RECQL4: variants seen among roughly 807,000 people sequenced by gnomAD.
RECQL4 encodes the protein RecQ like helicase 4.
In RECQL4, 158 loss-of-function variants were observed where a neutral mutation model predicts 128.6. The ratio of observed to expected loss-of-function variants is 1.23; its 90% CI spans 1.08 to 1.40. RECQL4 has a LOEUF of 1.40. RECQL4 is among the 40% of genes most tolerant of loss of function. The pLI, the probability that RECQL4 is intolerant of heterozygous loss-of-function variation, is 0.00. For missense variants in RECQL4, 2,293 were observed against 1,649.8 expected (o/e 1.39, Z -6.75); for synonymous variants, 996 against 678.9 (o/e 1.47, Z -7.26).
chr8:144,514,094 C>A lies in RECQL4; in HGVS notation c.1892G>T (p.Arg631Leu), dbSNP rs771179943. Residue 631 changes from arginine to leucine, a missense_variant, in exon 12 of 21, where the codon CGC becomes CTC. Arg to Leu is a moderately radical substitution (Grantham distance 102). Transcript: ENST00000617875. The stretch of plus-strand genomic sequence containing the variant: ...GCCCAGGAAGCAGTGCACGCCCATG[C>A]GCTCCCGAAGCACCTGCACCAGAGG... ...YLRVCKVLRE[R>L]MGVHCFLGLT... 4 of 1,601,352 alleles carry A rather than the reference C, an allele frequency of 2.5e-6. No individual in the cohort carries two copies. The East Asian group carries it at 6.8e-5, about 27-fold the overall frequency.
Position 144,512,294 on chromosome 8 carries a change from T to C in RECQL4, c.3086A>G (p.Glu1029Gly). Reference protein sequence around the residue: ...GVRRGTGVLVEFSELAFHLRS... With the variant: ...GVRRGTGVLVGFSELAFHLRS... ...AAGGTGGAAGGCCAGCTCACTGAACTCCACAAGCACCCCTGTCCCACGCCG... is the reference window on the plus strand; with the variant it reads ...AAGGTGGAAGGCCAGCTCACTGAACCCCACAAGCACCCCTGTCCCACGCCG... The change falls in exon 18 of 21, where the codon GAG becomes GGG. Residue 1029 changes from glutamate to glycine, a missense_variant. Glu to Gly is a moderately conservative substitution (Grantham distance 98). Coordinates refer to ENST00000617875, the MANE Select transcript of RECQL4 (RefSeq NM_004260.4). The C allele has an allele frequency of 1.2e-6, 2 of 1,612,422 alleles. No homozygotes were observed. The highest frequency in any genetic ancestry group is 1.7e-6 in the Non-Finnish European group (2 of 1,179,770).
rs36023964 is a variant in RECQL4 at position 144,512,437 on chromosome 8, G to A, written c.3010C>T (p.Arg1004Trp). 2.3e-4 allele frequency: 368 copies of A among 1,610,128 alleles called. No individual in the cohort carries two copies. The African/African-American group carries it at 3.4e-3, about 15-fold the overall frequency. Residue 1004 changes from arginine to tryptophan, a missense_variant, in exon 17 of 21, where the codon CGG becomes TGG. Transcript: ENST00000617875. Reference sequence around the variant, plus strand: ...CACTGCAGCTGGCAGAGAGCCCGCCGCACAGAGGCCAGCTCCCAGCCCATG... The same window carrying A: ...CACTGCAGCTGGCAGAGAGCCCGCCACACAGAGGCCAGCTCCCAGCCCATG... Reference protein sequence around the residue: ...DSMGWELASVRRALCQLQWDH... With the variant: ...DSMGWELASVWRALCQLQWDH...
chr8:144,512,379 G>A lies in RECQL4; in HGVS notation c.3055+13C>T, dbSNP rs745759208. 3.7e-6 allele frequency: 6 copies of A among 1,608,004 alleles called. No individual in the cohort carries two copies. The South Asian group carries it at 6.6e-5, about 18-fold the overall frequency. The stretch of plus-strand genomic sequence containing the variant: ...GCAGCGTCCAGGGCGGTGTGGGGTG[G>A]GGAGAGGCGCACCTGTCCTGGGCTC... On this transcript the variant is annotated intron_variant, in intron 17 of 20. Coordinates refer to ENST00000617875, the MANE Select transcript of RECQL4 (RefSeq NM_004260.4).
chr8:144,514,195 G>A lies in RECQL4; in HGVS notation c.1872C>T (p.Val624=), dbSNP rs201815449. The change falls in exon 11 of 21, where the codon GTC becomes GTT. Residue 624 remains valine (V), a synonymous_variant. Transcript: ENST00000617875. ...SHNFRPCYLR[V]CKVLRERMGV... is the part of the protein sequence containing the mutation. ...CAGTTCACATATGGCTCACCTTGCA[G>A]ACGCGCAGGTAGCAGGGCCGGAAGT... 782 of 1,612,242 alleles carry A rather than the reference G, an allele frequency of 4.9e-4. No homozygotes were observed. The highest frequency in any genetic ancestry group is 6.1e-4 in the Non-Finnish European group (725 of 1,179,710).
intron 18 of RECQL4, 27 bp downstream of exon 18, chr8:144,512,117 C>T (rs775421880): frequency 2.5e-6 from 4 of 1,601,172 alleles, no homozygotes; most frequent in Non-Finnish European, 3.4e-6. Context: ...GGTGGATGGT[C>T]CCAGGCCCCG....
In RECQL4 at chr8:144,517,470, C is replaced by G. The variant is rs1171989536; in HGVS notation, c.157G>C (p.Gly53Arg). Residue 53 changes from glycine (G) to arginine (R), a missense_variant, in exon 3 of 21, where the codon GGC becomes CGC. Transcript: ENST00000617875. ...CTGCGGAGCCCGCCGCCGGCCTGGC[C>G]CGTGGTACGCTTCAGAGTGCGGTAT... ...REYRTLKRTTGQAGGGLRSSE... is the reference protein window; with the variant it reads ...REYRTLKRTTRQAGGGLRSSE... 2 of 1,596,630 alleles carry G rather than the reference C, an allele frequency of 1.3e-6. No individual in the cohort carries two copies. The highest frequency in any genetic ancestry group is 4.5e-5 in the East Asian group (2 of 44,520).
At chr8:144,515,582 C>T in intron 6 of RECQL4, 125 bp from the exon 7 acceptor site, 2 of 1,514,726 alleles carry the variant, frequency 1.3e-6, no homozygotes, top group Non-Finnish European at 1.8e-6. Context: ...GCTACTTTTT[C>T]CAAAGCAGAA....
In RECQL4 at chr8:144,511,707, G is replaced by T. The variant is rs766385605; in HGVS notation, c.3476C>A (p.Ala1159Asp). 1 of 1,612,544 alleles carries T rather than the reference G, an allele frequency of 6.2e-7. No individual in the cohort carries two copies. The highest frequency in any genetic ancestry group is 8.5e-7 in the Non-Finnish European group (1 of 1,179,792). ...GATGCCGTGGAAGATGCGGGCCACA[G>T]CCCTGCTGGAGAACTTCTCCTCTGG... Reference protein sequence around the residue: ...LRPEEKFSSRAVARIFHGIGS... With the variant: ...LRPEEKFSSRDVARIFHGIGS... The change falls in exon 20 of 21, where the codon GCT becomes GAT. Residue 1159 changes from alanine to aspartate, a missense_variant. Ala to Asp is a moderately radical substitution (Grantham distance 126). Transcript: ENST00000617875.
chr8:144,511,664 G>T lies in RECQL4; in HGVS notation c.3502+17C>A, dbSNP rs575840682. The T allele has an allele frequency of 5.6e-6, 9 of 1,610,570 alleles. No individual in the cohort carries two copies. On this transcript the variant is annotated intron_variant, in intron 20 of 20. Transcript: ENST00000617875. ...CCCAGCCCCAGCCTGCAGCGGGTGGGGCCTCCCAGGCCTCACCGATGCCGT... is the reference window on the plus strand; with the variant it reads ...CCCAGCCCCAGCCTGCAGCGGGTGGTGCCTCCCAGGCCTCACCGATGCCGT...
intron 4 of RECQL4, 130 bp from the exon 5 acceptor site, chr8:144,516,894 A>G: frequency 7.3e-7 from 1 of 1,376,262 alleles, no homozygotes; most frequent in Non-Finnish European, 9.8e-7. Flanking sequence ...CTAGAAAGGG[A>G]GTCAAGGGCG....
Position 144,512,413 on chromosome 8 carries a change from A to G in RECQL4, c.3034T>C (p.Trp1012Arg). 4 of 1,607,816 alleles carry G rather than the reference A, an allele frequency of 2.5e-6. No individual in the cohort carries two copies. The highest frequency in any genetic ancestry group is 3.4e-6 in the Non-Finnish European group (4 of 1,176,590). ...GCACCTGTCCTGGGCTCGTGGTCCC[A>G]CTGCAGCTGGCAGAGAGCCCGCCGC... ...SVRRALCQLQWDHEPRTGVRR... is the reference protein window; with the variant it reads ...SVRRALCQLQRDHEPRTGVRR... Residue 1012 changes from tryptophan to arginine, a missense_variant, in exon 17 of 21, where the codon TGG becomes CGG. Transcript: ENST00000617875.
At position 144,511,709 on chromosome 8, in the gene RECQL4, C is replaced by T. The variant is rs1060504221; in HGVS notation, c.3474G>A (p.Arg1158=). 1.2e-6 allele frequency: 2 copies of T among 1,612,562 alleles called. No individual in the cohort carries two copies. The highest frequency in any genetic ancestry group is 1.7e-6 in the Non-Finnish European group (2 of 1,179,802). Residue 1158 remains arginine, a synonymous_variant, in exon 20 of 21, where the codon AGG becomes AGA. Coordinates refer to ENST00000617875, the MANE Select transcript of RECQL4 (RefSeq NM_004260.4). Reference sequence around the variant, plus strand: ...TGCCGTGGAAGATGCGGGCCACAGCCCTGCTGGAGAACTTCTCCTCTGGCC... The same window carrying T: ...TGCCGTGGAAGATGCGGGCCACAGCTCTGCTGGAGAACTTCTCCTCTGGCC... ...SLRPEEKFSS[R]AVARIFHGIG...
rs2130744947 is a variant in RECQL4, at chr8:144,517,690, G to A, written c.84+11C>T. 2.8e-6 allele frequency: 4 copies of A among 1,428,368 alleles called. No homozygotes were observed. The highest frequency in any genetic ancestry group is 3.7e-6 in the Non-Finnish European group (4 of 1,095,406). 88.5% of individuals were successfully genotyped at this position (1,428,368 alleles called of 1,614,324 possible). A position where few individuals can be genotyped will look rare whatever the true frequency, so the allele number is the denominator to read the frequency against. ...GCGCCCTCAGCCCCTCGGCCCCTGG[G>A]CAGCCCGCACCTGGCTCGGTCGCCG... On this transcript the variant is annotated intron_variant, in intron 1 of 20. Transcript: ENST00000617875.
In RECQL4 at chr8:144,515,059, C is replaced by G. The variant is rs749324210; in HGVS notation, c.1497G>C (p.Leu499=). The G allele has an allele frequency of 4.4e-6, 7 of 1,608,108 alleles. No homozygotes were observed. The highest frequency in any genetic ancestry group is 5.1e-6 in the Non-Finnish European group (6 of 1,178,044). Residue 499 remains leucine (L), a synonymous_variant, in exon 9 of 21, where the codon CTG becomes CTC. Coordinates refer to ENST00000617875, the MANE Select transcript of RECQL4 (RefSeq NM_004260.4). ...TGCCGGCACCTGTAGGCAGCACCAGCAGCGTGGAGATGCCTGGATGGGGCG... is the reference window on the plus strand; with the variant it reads ...TGCCGGCACCTGTAGGCAGCACCAGGAGCGTGGAGATGCCTGGATGGGGCG... The part of the protein sequence containing the change: ...VMRILSGIST[L]LVLPTGAGKS...
chr8:144,514,445 CT>C lies in RECQL4; in HGVS notation c.1700del (p.Gln567ArgfsTer11). ...MTRKQRESVLQKIRAAQVHVL... is the reference protein window; with the variant it reads ...MTRKQRESVLXKIRAAQVHVL... ...CCTAGGCCCATGAGGCCCCCACCTT[CT>C]GCAGGACAGATTCCCGTTGCTTCCT... On this transcript the variant is annotated frameshift_variant, in exon 10 of 21. Coordinates refer to ENST00000617875, the MANE Select transcript of RECQL4 (RefSeq NM_004260.4). LOFTEE classifies it high-confidence loss of function. 6.2e-7 allele frequency: 1 copy of C among 1,611,912 alleles called. No individual in the cohort carries two copies. Among genetic ancestry groups the C allele is most frequent in the South Asian group, 1.1e-5 (1 of 90,976 alleles).
rs1457491900 is a variant in RECQL4 at position 144,515,086 on chromosome 8, G to A, written c.1484-14C>T. 2 of 1,599,094 alleles carry A rather than the reference G, an allele frequency of 1.3e-6. No individual in the cohort carries two copies. The highest frequency in any genetic ancestry group is 1.1e-5 in the South Asian group (1 of 88,766). On this transcript the variant is annotated splice_polypyrimidine_tract_variant and intron_variant, in intron 8 of 20. Coordinates refer to ENST00000617875, the MANE Select transcript of RECQL4 (RefSeq NM_004260.4). ...GCGTGGAGATGCCTGGATGGGGCGG[G>A]AGTCAGCAGCAGGGTTCTGCAGCCT...
Position 144,513,950 on chromosome 8 carries a change from G to T in RECQL4, c.2036C>A (p.Ser679Tyr). The T allele has an allele frequency of 6.4e-7, 1 of 1,558,926 alleles. No homozygotes were observed. Among genetic ancestry groups the T allele is most frequent in the South Asian group, 1.2e-5 (1 of 84,768 alleles). The change falls in exon 12 of 21, where the codon TCC becomes TAC. Residue 679 changes from serine to tyrosine, a missense_variant. By Grantham distance (144) the Ser-to-Tyr change is moderately radical. Transcript: ENST00000617875. ...PVPTNLHLSV[S>Y]MDRDTDQALL... ...CACCTGGTCTGTGTCCCTGTCCATG[G>T]ACACGGAAAGGTGCAGGTTGGTGGG...
chr8:144,514,327 T>C lies in RECQL4; in HGVS notation c.1740A>G (p.Thr580=). 6.2e-7 allele frequency: 1 copy of C among 1,608,482 alleles called. No homozygotes were observed. Residue 580 remains threonine (T), a synonymous_variant, in exon 11 of 21, where the codon ACA becomes ACG. Coordinates refer to ENST00000617875, the MANE Select transcript of RECQL4 (RefSeq NM_004260.4). The stretch of plus-strand genomic sequence containing the variant: ...CTCCCGCCCCCACCAGTGCCTCAGG[T>C]GTCAGCATCAGCACGTGTACCTGGG... ...RAAQVHVLML[T]PEALVGAGGL...
At position 144,512,324 on chromosome 8, in the gene RECQL4, C is replaced by T; in HGVS notation, c.3056G>A (p.Gly1019Asp). The change falls in exon 18 of 21, where the codon GGT (glycine) becomes GAT (aspartate). Residue 1019 changes from glycine (G) to aspartate (D), a missense_variant and splice_region_variant. Gly to Asp is a moderately conservative substitution (Grantham distance 94, BLOSUM62 -1). Transcript: ENST00000617875. The stretch of plus-strand genomic sequence containing the variant: ...AAGCACCCCTGTCCCACGCCGCACA[C>T]CTGCCGGAAAGCATGTCAGATGCAG... Reference protein sequence around the residue: ...QLQWDHEPRTGVRRGTGVLVE... With the variant: ...QLQWDHEPRTDVRRGTGVLVE... The T allele has an allele frequency of 6.2e-7, 1 of 1,612,156 alleles. No homozygotes were observed. The highest frequency in any genetic ancestry group is 8.5e-7 in the Non-Finnish European group (1 of 1,179,568).
Sources: gnomAD v4.1 joint callset for allele counts on GRCh38, gnomAD v4.1.1 for gene constraint, MANE v1.5 for transcripts, NCBI Gene and HGNC (gene_info 2026-07-23, HGNC 2026-07-21) for gene names.